Variants in PITRM1 observed in about 807,000 individuals in gnomAD.
The protein encoded by PITRM1 is pitrilysin metallopeptidase 1, also known as presequence protease, mitochondrial.
In PITRM1, 100 loss-of-function variants were observed where a neutral mutation model predicts 129.9. The ratio of observed to expected loss-of-function variants is 0.77; its 90% CI spans 0.65 to 0.91. PITRM1 has a LOEUF of 0.91. Among genes scored for constraint, PITRM1 ranks in the 40% least tolerant of loss-of-function variants. PITRM1 has a pLI of 0.00. For missense variants in PITRM1, 1,471 were observed against 1,318.3 expected, an observed-to-expected ratio of 1.12 and a Z score of -1.79; for synonymous variants, 591 against 508.8, an observed-to-expected ratio of 1.16 and a Z score of -2.17.
At chr10:3,158,003 G>T in intron 11 of PITRM1, 37 bp downstream of exon 11, 1 of 1,287,882 alleles carries the variant, frequency 7.8e-7, no homozygotes, top group Non-Finnish European at 1.1e-6. Flanking sequence ...CAGGAATGAG[G>T]AACGAAAGCA....
intron 22 of PITRM1, chr10:3,143,786 A>G (rs1167398914): frequency 3.1e-6 from 2 of 651,228 alleles, no homozygotes; most frequent in Admixed American, 4.2e-5. Flanking sequence ...CTGTTCAATT[A>G]AAAACATTTC....
intron 8 of PITRM1, 52 bp downstream of exon 8, chr10:3,160,152 C>G (rs1272809222): frequency 6.3e-7 from 1 of 1,595,386 alleles, no homozygotes; most frequent in East Asian, 2.2e-5. Context: ...CAGTCCAAGT[C>G]CTCATGTCAA....
At chr10:3,144,190 C>G in intron 22 of PITRM1, 102 bp downstream of exon 22, 1 of 701,928 alleles carries the variant, frequency 1.4e-6, no homozygotes, top group South Asian at 1.7e-5. Flanking sequence ...CACGCCAGCC[C>G]CACAGACAGG....
intron 9 of PITRM1, 57 bp downstream of exon 9, chr10:3,159,791 A>T: frequency 9.7e-7 from 1 of 1,030,778 alleles, no homozygotes; most frequent in African/African-American, 1.6e-5. Flanking sequence ...GAACCTTCTA[A>T]TAGGAACATT....
In PITRM1 at chr10:3,148,212, G is replaced by T; in HGVS notation, c.1951C>A (p.His651Asn). ...ATGTGTGAGTCGTCGGGGAGCACGT[G>T]GGGAGAAGCACTCATCCCTCCGGTC... The part of the protein sequence containing the change: ...LKTGGMSASP[H>N]VLPDDSHMDT... The change falls in exon 17 of 27, where the codon CAC (histidine) becomes AAC (asparagine). Residue 651 changes from histidine to asparagine, a missense_variant. Coordinates refer to ENST00000224949, the MANE Select transcript of PITRM1 (RefSeq NM_014889.4). 6.2e-7 allele frequency: 1 copy of T among 1,613,976 alleles called. No homozygotes were observed. Among genetic ancestry groups the T allele is most frequent in the South Asian group, 1.1e-5 (1 of 91,088 alleles).
chr10:3,138,653 C>T (rs1176601589), intron 25 of PITRM1: 3 of 623,324 alleles, frequency 4.8e-6, no homozygotes, highest in Non-Finnish European at 8.6e-6. Context: ...TCCTTCCACC[C>T]TAAAGAGCCC....
chr10:3,160,212 C>T lies in PITRM1; in HGVS notation c.910G>A (p.Asp304Asn), dbSNP rs1178349105. 6.2e-7 allele frequency: 1 copy of T among 1,613,780 alleles called. No homozygotes were observed. The highest frequency in any genetic ancestry group is 2.2e-5 in the East Asian group (1 of 44,882). ...CACGGTGGGGCACTCACAGGCTTGT[C>T]CCAGGGTGTCTGAGCTGGCACCACG... is the stretch of plus-strand genomic sequence containing the variant. ...STVVPAQTPW[D>N]KPREFQITCG... is the part of the protein sequence containing the mutation. Residue 304 changes from aspartate to asparagine, a missense_variant, in exon 8 of 27, where the codon GAC (aspartate) becomes AAC (asparagine). Coordinates refer to ENST00000224949, the MANE Select transcript of PITRM1 (RefSeq NM_014889.4).
At position 3,158,840 on chromosome 10, in the gene PITRM1, A is replaced by G. The variant is rs1842192297; in HGVS notation, c.1136+74T>C. The stretch of plus-strand genomic sequence containing the variant: ...ACACTGTCAAGTGTGGGGCCGGGAC[A>G]GGGTGCGGAGGTGGAGGAGCAAAAC... On this transcript the variant is annotated intron_variant, in intron 10 of 26. Coordinates refer to ENST00000224949, the MANE Select transcript of PITRM1 (RefSeq NM_014889.4). 19 of 1,355,958 alleles carry G rather than the reference A, an allele frequency of 1.4e-5. No homozygotes were observed. In the South Asian group the frequency reaches 2.3e-4, roughly 16 times the overall value. 84.0% of individuals were successfully genotyped at this position (1,355,958 alleles called of 1,614,324 possible). A position where few individuals can be genotyped will look rare whatever the true frequency, so the allele number is the denominator to read the frequency against.
Position 3,160,278 on chromosome 10 carries a change from C to T in PITRM1, c.844G>A (p.Glu282Lys). ...TTCTGGAATTTGCTCAGTGCTTCCTCGTGAATTTGTTTCAGATGCTGTTCT... is the reference window on the plus strand; with the variant it reads ...TTCTGGAATTTGCTCAGTGCTTCCTTGTGAATTTGTTTCAGATGCTGTTCT... ...PLEQHLKQIH[E>K]EALSKFQKIE... The change falls in exon 8 of 27, where the codon GAG becomes AAG. Residue 282 changes from glutamate to lysine, a missense_variant. Physicochemically the swap from Glu to Lys is moderately conservative, Grantham distance 56. Transcript: ENST00000224949. 1 of 1,613,384 alleles carries T rather than the reference C, an allele frequency of 6.2e-7. No homozygotes were observed.
intron 15 of PITRM1, among the ~76,000 whole-genome samples, chr10:3,150,987 A>C (rs986677705): frequency 6.6e-6 from 1 of 152,206 alleles, no homozygotes; most frequent in African/African-American, 2.4e-5. Context: ...TGATTCTAGA[A>C]GCAGGAAATC....
chr10:3,167,594 G>A (rs529482049), intron 2 of PITRM1, among the ~76,000 whole-genome samples: 23 of 152,064 alleles, frequency 1.5e-4, no homozygotes, highest in Non-Finnish European at 2.9e-4. Flanking sequence ...TCCTGCTTTT[G>A]TGTGCTGTGC....
intron 23 of PITRM1, among the ~76,000 whole-genome samples, chr10:3,142,415 C>T (rs1840332400): frequency 6.6e-6 from 1 of 152,260 alleles, no homozygotes; most frequent in South Asian, 2.1e-4. Context: ...ACCAGGCTCA[C>T]TCCTTGGTTT....
rs61837966 is a variant in PITRM1 at position 3,148,307 on chromosome 10, A to T, written c.1872-16T>A. On this transcript the variant is annotated splice_polypyrimidine_tract_variant and intron_variant, in intron 16 of 26. Coordinates refer to ENST00000224949, the MANE Select transcript of PITRM1 (RefSeq NM_014889.4). ...GCAGCCCAGCCTGACACAGCAGAGA[A>T]GCATCGCCCCGATTACAAGTCAGTC... The T allele has an allele frequency of 0.11, 172,306 of 1,583,264 alleles. 10,622 individuals carry two copies. Among genetic ancestry groups the T allele is most frequent in the Non-Finnish European group, 0.13 (147,081 of 1,165,234 alleles).
rs1219536725 is a variant in PITRM1, at chr10:3,143,933, T to C, written c.2532+359A>G. ...ACCAGGCTGAGTCGCGGAAAGGATC[T>C]GTCAGACCGCTCCACTGGCATCGAC... On this transcript the variant is annotated intron_variant, in intron 22 of 26. Coordinates refer to ENST00000224949, the MANE Select transcript of PITRM1 (RefSeq NM_014889.4). The C allele has an allele frequency of 5.8e-6, 3 of 515,272 alleles. 1 individual carries two copies. The highest frequency in any genetic ancestry group is 1.1e-5 in the Non-Finnish European group (3 of 277,436). 31.9% of individuals were successfully genotyped at this position (515,272 alleles called of 1,614,324 possible).
intron 15 of PITRM1, 89 bp from the exon 16 acceptor site, chr10:3,149,842 T>C: frequency 7.1e-7 from 1 of 1,405,008 alleles, no homozygotes; most frequent in African/African-American, 1.4e-5. Flanking sequence ...TTTATTGTTT[T>C]TTCAAGAATG....
intron 22 of PITRM1, 78 bp downstream of exon 22, chr10:3,144,214 A>G (rs1840595506): frequency 2.5e-6 from 2 of 806,546 alleles, no homozygotes; most frequent in Admixed American, 2.4e-5. Flanking sequence ...ACGGAGGAAC[A>G]TTCGAACATC....
chr10:3,169,422 C>G (rs1230842000), intron 2 of PITRM1, among the ~76,000 whole-genome samples: 1 of 152,322 alleles, frequency 6.6e-6, no homozygotes, highest in East Asian at 1.9e-4. Flanking sequence ...CCTTGGCCCT[C>G]CGCGTGGCGT....
intron 1 of PITRM1, among the ~76,000 whole-genome samples, chr10:3,170,862 C>T (rs1843271188): frequency 6.6e-6 from 1 of 151,956 alleles, no homozygotes; most frequent in African/African-American, 2.4e-5. Flanking sequence ...ACTTGGGAGG[C>T]TGAGGCAGGA....
chr10:3,149,623 G>T lies in PITRM1; in HGVS notation c.1869C>A (p.Thr623=), dbSNP rs1841295031. 1.3e-6 allele frequency: 2 copies of T among 1,562,624 alleles called. No homozygotes were observed. The highest frequency in any genetic ancestry group is 1.4e-5 in the African/African-American group (1 of 72,576). Residue 623 remains threonine, a splice_region_variant and synonymous_variant, in exon 16 of 27, where the codon ACC becomes ACA. Transcript: ENST00000224949. The stretch of plus-strand genomic sequence containing the variant: ...CAAGGGTATGTTGCGACTCGTACTT[G>T]GTGAGGACGCTGCAGAAGAGGGGCA... The part of the protein sequence containing the change: ...PYVPLFCSVL[T]KLGCGLLDYR...
Sources: gnomAD v4.1 joint callset for allele counts (sites outside exome capture counted in the v4.1 genomes callset) on GRCh38, gnomAD v4.1.1 for gene constraint, MANE v1.5 for transcripts, NCBI Gene and HGNC (gene_info 2026-07-23, HGNC 2026-07-21) for gene names.